Variants in DIAPH3 observed in about 807,000 individuals in gnomAD.
DIAPH3 encodes protein diaphanous homolog 3.
A neutral mutation model predicts 144.3 loss-of-function variants in DIAPH3; 117 were observed. The observed-to-expected ratio is 0.81, with a 90% CI of 0.70 to 0.95. The LOEUF (loss-of-function observed/expected upper bound fraction) is 0.95. Among genes scored for constraint, DIAPH3 ranks in the 40% least tolerant of loss-of-function variants. DIAPH3 has a pLI of 0.00. For missense variants in DIAPH3, 1,421 were observed against 1,412.7 expected (o/e 1.01, Z -0.09); for synonymous variants, 519 against 488.9 (o/e 1.06, Z -0.81).
chr13:60,069,360 T>A (rs1180367593), intron 4 of DIAPH3, among the ~76,000 whole-genome samples: 1 of 152,148 alleles, frequency 6.6e-6, no homozygotes, highest in Admixed American at 6.5e-5. Context: ...AAGTTCCTTA[T>A]AGATTCTGGA....
chr13:59,984,648 T>A (rs934437425), intron 12 of DIAPH3, among the ~76,000 whole-genome samples: 1 of 148,058 alleles, frequency 6.8e-6, no homozygotes, highest in East Asian at 2.0e-4. Flanking sequence ...ATATCACCAC[T>A]GATCCCACAG....
chr13:60,127,888 A>C (rs9317100), intron 2 of DIAPH3, among the ~76,000 whole-genome samples: 96,118 of 151,912 alleles, frequency 0.63, 30,857 homozygotes, highest in Admixed American at 0.72. Context: ...TTATATTGTA[A>C]GTAAATCATA....
intron 25 of DIAPH3, among the ~76,000 whole-genome samples, chr13:59,777,344 T>C (rs997163020): frequency 1.3e-5 from 2 of 152,142 alleles, no homozygotes; most frequent in East Asian, 3.8e-4. Context: ...CATGCATCCA[T>C]AGTGATACTA....
chr13:59,755,685 CAA>C (rs2037219598), intron 27 of DIAPH3, among the ~76,000 whole-genome samples: 14 of 152,144 alleles, frequency 9.2e-5, no homozygotes, highest in Middle Eastern at 3.4e-3. Context: ...ACTGAAATCA[CAA>C]AGAGAGTTTC....
intron 20 of DIAPH3, among the ~76,000 whole-genome samples, chr13:59,886,727 A>G (rs187473733): frequency 3.9e-5 from 6 of 152,176 alleles, no homozygotes; most frequent in Non-Finnish European, 7.4e-5. Context: ...GACATTGTAA[A>G]TAATACTATT....
intron 24 of DIAPH3, among the ~76,000 whole-genome samples, chr13:59,818,185 G>T (rs1014795744): frequency 6.6e-6 from 1 of 151,746 alleles, no homozygotes; most frequent in East Asian, 1.9e-4. Flanking sequence ...TGTATTGCCT[G>T]CAAACCTGAA....
intron 27 of DIAPH3, among the ~76,000 whole-genome samples, chr13:59,736,296 A>T (rs1593707730): frequency 6.6e-6 from 1 of 152,088 alleles, no homozygotes; most frequent in Non-Finnish European, 1.5e-5. Flanking sequence ...ATTCCTTTGG[A>T]TATATACCCA....
intron 20 of DIAPH3, among the ~76,000 whole-genome samples, chr13:59,908,308 T>C (rs1042237816): frequency 7.1e-6 from 1 of 141,222 alleles, no homozygotes; most frequent in Non-Finnish European, 1.5e-5. Context: ...CAGGAGGCGG[T>C]TGCAGTGAGC....
At chr13:59,806,582 C>T (rs986266322) in intron 25 of DIAPH3, among the ~76,000 whole-genome samples, 1 of 151,856 alleles carries the variant, frequency 6.6e-6, no homozygotes, top group Non-Finnish European at 1.5e-5. Flanking sequence ...TCTCATTATC[C>T]TATCTTATTT....
At chr13:59,953,798 GTA>G in intron 17 of DIAPH3, among the ~76,000 whole-genome samples, 1 of 152,268 alleles carries the variant, frequency 6.6e-6, no homozygotes. Context: ...TGCATACAAA[GTA>G]TATGATAAAT....
chr13:60,017,535 T>TA (rs1441322533), intron 5 of DIAPH3, among the ~76,000 whole-genome samples: 1 of 151,918 alleles, frequency 6.6e-6, no homozygotes, highest in Non-Finnish European at 1.5e-5. Context: ...GAAAAGAGAA[T>TA]AAAAACCAAA....
chr13:60,049,576 C>CCTCT (rs1476699719), intron 4 of DIAPH3, among the ~76,000 whole-genome samples: 3 of 152,218 alleles, frequency 2.0e-5, no homozygotes, highest in African/African-American at 7.2e-5. Flanking sequence ...CCACAAAAGG[C>CCTCT]CTCTCGTGAG....
chr13:59,681,737 G>A (rs1457636), intron 27 of DIAPH3, among the ~76,000 whole-genome samples: 116,051 of 151,988 alleles, frequency 0.76, 44,389 homozygotes, highest in East Asian at 0.88. Flanking sequence ...AAGAAAGTAT[G>A]ATTTTTATAC....
At chr13:60,087,644 C>T (rs561424843) in intron 4 of DIAPH3, among the ~76,000 whole-genome samples, 63 of 152,166 alleles carry the variant, frequency 4.1e-4, no homozygotes, top group African/African-American at 1.4e-3. Context: ...AGAATAAAAA[C>T]TTTATCCAAA....
At chr13:59,758,667 A>AGTATATGG (rs2037409288) in intron 27 of DIAPH3, among the ~76,000 whole-genome samples, 1 of 152,222 alleles carries the variant, frequency 6.6e-6, no homozygotes, top group South Asian at 2.1e-4. Flanking sequence ...GAAGCTAGGG[A>AGTATATGG]GTATATGGGA....
intron 2 of DIAPH3, among the ~76,000 whole-genome samples, chr13:60,122,323 T>C (rs957948218): frequency 6.6e-6 from 1 of 152,164 alleles, no homozygotes; most frequent in Non-Finnish European, 1.5e-5. Context: ...AGCTCCCAAC[T>C]TAAACTACAG....
chr13:59,953,109 A>T (rs974588396), intron 17 of DIAPH3, among the ~76,000 whole-genome samples: 2 of 152,112 alleles, frequency 1.3e-5, no homozygotes, highest in Non-Finnish European at 2.9e-5. Flanking sequence ...TTAATTTGGG[A>T]GTTGAGCATG....
At chr13:60,023,150 T>G (rs2054139562) in intron 5 of DIAPH3, among the ~76,000 whole-genome samples, 1 of 152,178 alleles carries the variant, frequency 6.6e-6, no homozygotes, top group African/African-American at 2.4e-5. Flanking sequence ...GTGGTAAAAT[T>G]CTCCAGTGAA....
intron 27 of DIAPH3, among the ~76,000 whole-genome samples, chr13:59,751,072 C>A (rs1339460079): frequency 6.6e-6 from 1 of 152,222 alleles, no homozygotes; most frequent in Non-Finnish European, 1.5e-5. Context: ...TGCTGTTCAC[C>A]CAGAGTCTCT....
Sources: allele counts gnomAD v4.1 joint callset (sites outside exome capture counted in the v4.1 genomes callset), GRCh38; gene constraint gnomAD v4.1.1; transcripts MANE v1.5; gene names NCBI Gene and HGNC (gene_info 2026-07-23, HGNC 2026-07-21).